EFHB: variants seen among roughly 807,000 people sequenced by gnomAD.
EFHB encodes the protein EF-hand domain-containing family member B.
EFHB carries 91 observed loss-of-function variants against 87.2 expected under a neutral mutation model. That is an observed-to-expected ratio of 1.04 (90% CI 0.88 to 1.24). The LOEUF is 1.24. EFHB is among the 50% of genes most tolerant of loss of function. The pLI is 0.00. For missense variants in EFHB, 1,084 were observed against 998.8 expected, an observed-to-expected ratio of 1.09 and a Z score of -1.15; for synonymous variants, 325 against 333.6, an observed-to-expected ratio of 0.97 and a Z score of 0.28.
chr3:19,925,978 T>C (rs754000392), intron 1 of EFHB, among the ~76,000 whole-genome samples: 2 of 152,322 alleles, frequency 1.3e-5, no homozygotes, highest in East Asian at 1.9e-4. Context: ...GAATCCATTA[T>C]GCAAATAAAA....
At chr3:19,909,234 G>A (rs1042208358) in intron 5 of EFHB, among the ~76,000 whole-genome samples, 3 of 151,888 alleles carry the variant, frequency 2.0e-5, no homozygotes, top group Admixed American at 1.3e-4. Flanking sequence ...AGAGTGATGG[G>A]CAGAGCTTCT....
At chr3:19,893,519 C>T (rs1268674831) in intron 9 of EFHB, among the ~76,000 whole-genome samples, 1 of 152,108 alleles carries the variant, frequency 6.6e-6, no homozygotes, top group Admixed American at 6.6e-5. Flanking sequence ...GAGTGACAGA[C>T]ATCATGATAT....
intron 9 of EFHB, among the ~76,000 whole-genome samples, chr3:19,892,649 C>T (rs1409016925): frequency 6.6e-6 from 1 of 152,082 alleles, no homozygotes; most frequent in African/African-American, 2.4e-5. Context: ...TTTACATAAT[C>T]CTTGATCATA....
chr3:19,894,436 A>G (rs1049657047), intron 9 of EFHB: 1 of 152,218 alleles, frequency 6.6e-6, no homozygotes, highest in Non-Finnish European at 1.5e-5. Context: ...ATAATGCTTG[A>G]TGTATTATGA....
chr3:19,928,651 G>C (rs1695716900), intron 1 of EFHB, among the ~76,000 whole-genome samples: 1 of 152,088 alleles, frequency 6.6e-6, no homozygotes, highest in Non-Finnish European at 1.5e-5. Context: ...TGCCATATTG[G>C]CCAGGCTGGT....
intron 1 of EFHB, among the ~76,000 whole-genome samples, chr3:19,921,590 G>T (rs965482497): frequency 4.6e-5 from 7 of 151,976 alleles, no homozygotes; most frequent in Admixed American, 6.6e-5. Flanking sequence ...GAGGCTGGGG[G>T]GGCCAAGATG....
chr3:19,933,875 C>T lies in EFHB; in HGVS notation c.144G>A (p.Val48=). Residue 48 remains valine (V), a synonymous_variant, in exon 1 of 13, where the codon GTG becomes GTA. Coordinates refer to ENST00000295824, the MANE Select transcript of EFHB (RefSeq NM_144715.4). Reference sequence around the variant, plus strand: ...TCCTTCCCTCACACTTATTACTAACCACAGGGCTCTCCCCGCATCGGGAAT... The same window carrying T: ...TCCTTCCCTCACACTTATTACTAACTACAGGGCTCTCCCCGCATCGGGAAT... ...KEDSRCGESP[V]VSNKCEGRMA... The T allele has an allele frequency of 6.2e-7, 1 of 1,613,958 alleles. No individual in the cohort carries two copies. The highest frequency in any genetic ancestry group is 8.5e-7 in the Non-Finnish European group (1 of 1,179,890).
At chr3:19,940,643 C>T (rs2170342) in intron 1 of EFHB, 66,250 of 385,114 alleles carry the variant, frequency 0.17, 6,867 homozygotes, top group African/African-American at 0.32. Flanking sequence ...CATTTAATGT[C>T]TTTCTTGCTA....
chr3:19,896,551 G>A, intron 9 of EFHB, 136 bp downstream of exon 9: 1 of 1,196,312 alleles, frequency 8.4e-7, no homozygotes, highest in Non-Finnish European at 1.2e-6. Context: ...TTGTGTTCCA[G>A]TAAAACTTTA....
chr3:19,919,788 C>G, intron 3 of EFHB, 45 bp downstream of exon 3: 3 of 1,572,946 alleles, frequency 1.9e-6, no homozygotes. Context: ...GCATTTTCAC[C>G]TTGGTAAATT....
chr3:19,899,319 T>C lies in EFHB; in HGVS notation c.1502+113A>G, dbSNP rs536480779. 19 of 694,952 alleles carry C rather than the reference T, an allele frequency of 2.7e-5. No homozygotes were observed. The East Asian group carries it at 5.5e-4, about 20-fold the overall frequency. The allele number at this position is 694,952 out of a possible 1,614,324, so 43.0% of individuals were successfully genotyped here. A position where few individuals can be genotyped will look rare whatever the true frequency, so the allele number is the denominator to read the frequency against. On this transcript the variant is annotated intron_variant, in intron 7 of 12. Coordinates refer to ENST00000295824, the MANE Select transcript of EFHB (RefSeq NM_144715.4). ...GATTAACTGATTAACAATAAAATAA[T>C]GATTTTCTTATTTAATAGATAGAAT...
chr3:19,897,010 A>C (rs1317458453), intron 8 of EFHB, among the ~76,000 whole-genome samples, 169 bp from the exon 9 acceptor site: 1 of 152,240 alleles, frequency 6.6e-6, no homozygotes, highest in Non-Finnish European at 1.5e-5. Context: ...AAAGTACATA[A>C]ATTAATTGAT....
At chr3:19,915,124 G>A (rs777079218) in intron 5 of EFHB, among the ~76,000 whole-genome samples, 179 bp downstream of exon 5, 10 of 151,924 alleles carry the variant, frequency 6.6e-5, no homozygotes, top group Non-Finnish European at 1.0e-4. Flanking sequence ...TTTAAAAACC[G>A]TAAGTATATG....
chr3:19,926,499 G>A (rs1575043085), intron 1 of EFHB, among the ~76,000 whole-genome samples: 1 of 152,090 alleles, frequency 6.6e-6, no homozygotes, highest in Non-Finnish European at 1.5e-5. Flanking sequence ...GAGTAGCTGG[G>A]ACTACAGGCG....
intron 1 of EFHB, among the ~76,000 whole-genome samples, chr3:19,931,740 T>C (rs1365275461): frequency 6.6e-6 from 1 of 152,204 alleles, no homozygotes; most frequent in Admixed American, 6.5e-5. Flanking sequence ...CATTTAATCA[T>C]CCGGGTTTCC....
At chr3:19,943,558 A>T (rs1049887685) in intron 1 of EFHB, among the ~76,000 whole-genome samples, 2 of 152,218 alleles carry the variant, frequency 1.3e-5, no homozygotes, top group African/African-American at 4.8e-5. Flanking sequence ...TTGAGTTAAA[A>T]AATGAAAAAA....
At chr3:19,896,919 G>C in intron 8 of EFHB, 78 bp from the exon 9 acceptor site, 10 of 1,315,520 alleles carry the variant, frequency 7.6e-6, no homozygotes, top group Non-Finnish European at 1.0e-5. Flanking sequence ...AAAAGTGAGA[G>C]ATCTAGCAAC....
Position 19,882,648 on chromosome 3 carries a change from C to T in EFHB, c.2230G>A (p.Gly744Ser), listed in dbSNP as rs2071707946. 3 of 1,613,498 alleles carry T rather than the reference C, an allele frequency of 1.9e-6. No homozygotes were observed. The highest frequency in any genetic ancestry group is 2.5e-6 in the Non-Finnish European group (3 of 1,179,732). The change falls in exon 12 of 13, where the codon GGT becomes AGT. Residue 744 changes from glycine (G) to serine (S), a missense_variant. Physicochemically the swap from Gly to Ser is moderately conservative, Grantham distance 56. Transcript: ENST00000295824. ...AGTGAATATGCACTACCTTCTTCAC[C>T]ATAATTAGTTCTGTCACTGATGCGA... ...IRRISDRTNYGEEGSAYSLLY... is the reference protein window; with the variant it reads ...IRRISDRTNYSEEGSAYSLLY...
chr3:19,915,320 T>C lies in EFHB; in HGVS notation c.1271A>G (p.His424Arg). 6.2e-7 allele frequency: 1 copy of C among 1,612,170 alleles called. No homozygotes were observed. The highest frequency in any genetic ancestry group is 8.5e-7 in the Non-Finnish European group (1 of 1,178,696). Residue 424 changes from histidine (H) to arginine (R), a missense_variant, in exon 5 of 13, where the codon CAC becomes CGC. Coordinates refer to ENST00000295824, the MANE Select transcript of EFHB (RefSeq NM_144715.4). The stretch of plus-strand genomic sequence containing the variant: ...ACACTTACCTGCATAATAATCATTG[T>C]GAGAAACAACATACAAATCATGTCC... ...NEGHDLYVVS[H>R]NDYYAGEAKN...
Sources: allele counts gnomAD v4.1 joint callset (sites outside exome capture counted in the v4.1 genomes callset), GRCh38; gene constraint gnomAD v4.1.1; transcripts MANE v1.5; gene names NCBI Gene and HGNC (gene_info 2026-07-23, HGNC 2026-07-21).